DPYD: variants seen among roughly 807,000 people sequenced by gnomAD.
The protein encoded by DPYD is dihydropyrimidine dehydrogenase [NADP(+)].
A neutral mutation model predicts 116.2 loss-of-function variants in DPYD; 109 were observed. That is an observed-to-expected ratio of 0.94 (90% CI 0.80 to 1.10). The LOEUF (loss-of-function observed/expected upper bound fraction) is 1.10, where lower values mean the gene tolerates loss of function less well. Among genes scored for constraint, DPYD ranks in the 50% least tolerant of loss-of-function variants. DPYD has a pLI of 0.00. For synonymous variants in DPYD, 440 were observed against 432.0 expected (o/e 1.02, Z -0.23); for missense variants, 1,302 against 1,254.5 (o/e 1.04, Z -0.57).
intron 16 of DPYD, among the ~76,000 whole-genome samples, chr1:97,358,020 A>G (rs1335643922): frequency 2.6e-5 from 4 of 152,150 alleles, no homozygotes; most frequent in Non-Finnish European, 5.9e-5. Flanking sequence ...GGGAAGCACA[A>G]GTGGTTGGGG....
intron 1 of DPYD, among the ~76,000 whole-genome samples, chr1:97,884,833 T>C (rs933209425): frequency 1.3e-5 from 2 of 152,068 alleles, no homozygotes; most frequent in African/African-American, 2.4e-5. Flanking sequence ...GTAGGTAGCA[T>C]ATGCTTATTC....
intron 1 of DPYD, among the ~76,000 whole-genome samples, chr1:97,901,575 T>G (rs1412762936): frequency 6.6e-6 from 1 of 151,812 alleles, no homozygotes; most frequent in African/African-American, 2.4e-5. Flanking sequence ...ACCTCCCATA[T>G]TAACAATTTG....
At chr1:97,719,599 T>G (rs2101021836) in intron 5 of DPYD, among the ~76,000 whole-genome samples, 1 of 151,980 alleles carries the variant, frequency 6.6e-6, no homozygotes, top group East Asian at 1.9e-4. Context: ...TGAATATCAG[T>G]GAAAACGGAG....
At chr1:97,300,838 C>T (rs186921488) in intron 18 of DPYD, among the ~76,000 whole-genome samples, 2 of 152,126 alleles carry the variant, frequency 1.3e-5, no homozygotes, top group Non-Finnish European at 2.9e-5. Context: ...GAAGTCGATG[C>T]CTAAAATCCC....
intron 13 of DPYD, among the ~76,000 whole-genome samples, chr1:97,482,069 A>C (rs1321012779): frequency 6.6e-6 from 1 of 152,228 alleles, no homozygotes; most frequent in Non-Finnish European, 1.5e-5. Flanking sequence ...TTACATTAAA[A>C]GTTATAACAA....
rs75904592 is a variant in DPYD at position 97,825,275 on chromosome 1, A to G, written c.233+2839T>C. Among the ~76,000 whole-genome samples, 958 of 152,234 alleles carry G rather than the reference A, an allele frequency of 6.3e-3. 10 individuals carry two copies. The highest frequency in any genetic ancestry group is 0.022 in the African/African-American group (915 of 41,524). Reference sequence around the variant, plus strand: ...TGCACAGCAAAGACTGGCCAGAAAGAGAGACTGGATGAGGTGGCTAAGAAT... The same window carrying G: ...TGCACAGCAAAGACTGGCCAGAAAGGGAGACTGGATGAGGTGGCTAAGAAT... On this transcript the variant is annotated intron_variant, in intron 3 of 22. Transcript: ENST00000370192.
chr1:97,881,265 C>A (rs918676772), intron 2 of DPYD, among the ~76,000 whole-genome samples: 1 of 151,928 alleles, frequency 6.6e-6, no homozygotes, highest in Non-Finnish European at 1.5e-5. Context: ...CTTATTTGGA[C>A]ACACGCACAC....
At chr1:97,666,762 G>A (rs1659585420) in intron 8 of DPYD, among the ~76,000 whole-genome samples, 1 of 152,080 alleles carries the variant, frequency 6.6e-6, no homozygotes, top group South Asian at 2.1e-4. Context: ...TAAAGTTCTA[G>A]TACAAAATAA....
chr1:97,698,631 A>T (rs1309440386), intron 6 of DPYD, among the ~76,000 whole-genome samples: 1 of 151,924 alleles, frequency 6.6e-6, no homozygotes, highest in Admixed American at 6.6e-5. Context: ...GATAATATAC[A>T]TAGAGAAAAT....
At chr1:97,360,330 T>A (rs1348294114) in intron 16 of DPYD, among the ~76,000 whole-genome samples, 2 of 152,066 alleles carry the variant, frequency 1.3e-5, no homozygotes, top group African/African-American at 4.8e-5. Flanking sequence ...AAACTTAGAC[T>A]CCCACACAAT....
intron 18 of DPYD, among the ~76,000 whole-genome samples, chr1:97,239,427 T>C (rs1388580313): frequency 6.6e-6 from 1 of 152,114 alleles, no homozygotes; most frequent in African/African-American, 2.4e-5. Context: ...TCTTCATTTA[T>C]CCATTCATCT....
intron 19 of DPYD, among the ~76,000 whole-genome samples, chr1:97,225,332 A>G (rs1661070076): frequency 6.6e-6 from 1 of 151,862 alleles, no homozygotes; most frequent in African/African-American, 2.4e-5. Flanking sequence ...TTTGATTTGC[A>G]TTTTCCTGAA....
Position 97,699,505 on chromosome 1 carries a change from G to T in DPYD, c.526C>A (p.Leu176Met). Residue 176 changes from leucine to methionine, a missense_variant, in exon 6 of 23, where the codon CTG becomes ATG. Leu to Met is a conservative substitution (Grantham distance 15). Transcript: ENST00000370192. ...MSIPQIRNPS[L>M]PPPEKMSEAY... ...TCAGACATTTTTTCTGGGGGAGGCA[G>T]CGAAGGATTTCTGATCTGTGGGATA... 1 of 1,613,542 alleles carries T rather than the reference G, an allele frequency of 6.2e-7. No homozygotes were observed. Among genetic ancestry groups the T allele is most frequent in the Non-Finnish European group, 8.5e-7 (1 of 1,179,592 alleles).
chr1:97,666,459 C>G (rs1659563193), intron 8 of DPYD, among the ~76,000 whole-genome samples: 1 of 152,030 alleles, frequency 6.6e-6, no homozygotes, highest in Admixed American at 6.6e-5. Flanking sequence ...CTACCTGGCC[C>G]CTTCTGTGTT....
At chr1:97,654,523 T>C (rs1013688874) in intron 8 of DPYD, among the ~76,000 whole-genome samples, 1 of 152,164 alleles carries the variant, frequency 6.6e-6, no homozygotes, top group African/African-American at 2.4e-5. Flanking sequence ...TATTTCCATA[T>C]ATTTTCACGA....
At chr1:97,475,783 A>G (rs1677926777) in intron 13 of DPYD, among the ~76,000 whole-genome samples, 2 of 152,274 alleles carry the variant, frequency 1.3e-5, no homozygotes, top group Admixed American at 1.3e-4. Flanking sequence ...CCCCTGCTCT[A>G]GCCTCAGAGA....
At chr1:97,401,225 C>A (rs10465760) in intron 14 of DPYD, among the ~76,000 whole-genome samples, 151,780 of 152,266 alleles carry the variant, frequency 1, 75,651 homozygotes, top group Middle Eastern at 1. Flanking sequence ...GTACTTTCTC[C>A]AATGCATCTT....
chr1:97,829,613 A>G (rs1284825004), intron 2 of DPYD, among the ~76,000 whole-genome samples: 1 of 152,154 alleles, frequency 6.6e-6, no homozygotes, highest in Non-Finnish European at 1.5e-5. Context: ...GAAATTTAAA[A>G]ACTTTCTCAA....
rs148548179 is a variant in DPYD at position 97,269,561 on chromosome 1, C to T, written c.2300-34567G>A. 7.9e-3 allele frequency among the ~76,000 whole-genome samples: 1,200 copies of T among 152,206 alleles called. 9 individuals carry two copies. Among genetic ancestry groups the T allele is most frequent in the Non-Finnish European group, 0.012 (840 of 68,016 alleles). On this transcript the variant is annotated intron_variant, in intron 18 of 22. Coordinates refer to ENST00000370192, the MANE Select transcript of DPYD (RefSeq NM_000110.4). The stretch of plus-strand genomic sequence containing the variant: ...CAAAGACTGGGTAATTTATAATGAA[C>T]AGAGATTTATTTCTTATAGTTCCAA...
Sources: allele counts gnomAD v4.1 joint callset (sites outside exome capture counted in the v4.1 genomes callset), GRCh38; gene constraint gnomAD v4.1.1; transcripts MANE v1.5; gene names NCBI Gene and HGNC (gene_info 2026-07-23, HGNC 2026-07-21).